The following IFNAR2 variants were observed in gnomAD, a reference collection of about 807,000 sequenced individuals.
IFNAR2 encodes the protein interferon alpha and beta receptor subunit 2.
A neutral mutation model predicts 49.4 loss-of-function variants in IFNAR2; 30 were observed. The ratio of observed to expected loss-of-function variants is 0.61; its 90% CI spans 0.45 to 0.82. IFNAR2 has a LOEUF of 0.82. Ranked by LOEUF, IFNAR2 falls within the 40% of genes least tolerant of loss-of-function variation. The pLI, the probability that IFNAR2 is intolerant of heterozygous loss-of-function variation, is 0.00. For missense variants in IFNAR2, 600 were observed against 622.7 expected, an observed-to-expected ratio of 0.96 and a Z score of 0.39; for synonymous variants, 224 against 234.5, an observed-to-expected ratio of 0.96 and a Z score of 0.41.
Position 33,260,447 on chromosome 21 carries a change from C to T in IFNAR2, c.710-150C>T, listed in dbSNP as rs114350362. ...AAAAAATGCACACTTAGATAATTCT[C>T]CAGTCTCTGGTATTTCTCAATATAA... On this transcript the variant is annotated intron_variant, in intron 7 of 8. Transcript: ENST00000342136. 1,186 of 619,656 alleles carry T rather than the reference C, an allele frequency of 1.9e-3. 10 individuals are homozygous for T. The African/African-American group carries it at 0.021, about 11-fold the overall frequency. The allele number at this position is 619,656 out of a possible 1,614,324, so 38.4% of individuals were successfully genotyped here. A position where few individuals can be genotyped will look rare whatever the true frequency, so the allele number is the denominator to read the frequency against.
intron 7 of IFNAR2, among the ~76,000 whole-genome samples, chr21:33,255,106 C>A (rs935355747): frequency 6.6e-6 from 1 of 152,202 alleles, no homozygotes; most frequent in African/African-American, 2.4e-5. Context: ...TGTCAAACAC[C>A]TTTAGCGTAA....
intron 1 of IFNAR2, among the ~76,000 whole-genome samples, chr21:33,236,507 A>G (rs1345069589): frequency 5.3e-5 from 8 of 152,222 alleles, no homozygotes; most frequent in East Asian, 3.9e-4. Context: ...CCCAACCTCC[A>G]GCCAGTCACC....
intron 7 of IFNAR2, among the ~76,000 whole-genome samples, chr21:33,258,859 C>T (rs957495281): frequency 2.6e-5 from 4 of 152,072 alleles, no homozygotes; most frequent in African/African-American, 7.2e-5. Flanking sequence ...GGTTGCTCTC[C>T]GTGATCTGAC....
At chr21:33,253,615 G>A (rs1438626236) in intron 7 of IFNAR2, among the ~76,000 whole-genome samples, 1 of 152,192 alleles carries the variant, frequency 6.6e-6, no homozygotes, top group African/African-American at 2.4e-5. Context: ...GTGAAAGCAA[G>A]TTTATTAGGA....
At chr21:33,249,763 G>A (rs1016422974) in intron 6 of IFNAR2, among the ~76,000 whole-genome samples, 5 of 152,184 alleles carry the variant, frequency 3.3e-5, no homozygotes, top group Non-Finnish European at 7.3e-5. Context: ...ACCCTTGCAA[G>A]TGAGACCAGC....
chr21:33,263,193 C>G lies in IFNAR2; in HGVS notation c.1241C>G (p.Thr414Arg), dbSNP rs369534116. The G allele has an allele frequency of 4.3e-6, 7 of 1,614,176 alleles. No individual in the cohort carries two copies. Among genetic ancestry groups the G allele is most frequent in the Non-Finnish European group, 5.1e-6 (6 of 1,180,022 alleles). Residue 414 changes from threonine to arginine, a missense_variant, in exon 9 of 9, where the codon ACG becomes AGG. Thr to Arg is a moderately conservative substitution (Grantham distance 71, BLOSUM62 -1). Coordinates refer to ENST00000342136, the MANE Select transcript of IFNAR2 (RefSeq NM_001289125.3). ...DPFPEEDYSSTEGSGGRITFN... is the reference protein window; with the variant it reads ...DPFPEEDYSSREGSGGRITFN... ...TTTCCCGAAGAGGACTACAGCTCCA[C>G]GGAGGGGTCTGGGGGCAGAATTACC... is the stretch of plus-strand genomic sequence containing the variant.
At chr21:33,260,748 GT>G (rs755289487) in intron 8 of IFNAR2, 21 bp downstream of exon 8, 44 of 1,448,056 alleles carry the variant, frequency 3.0e-5, no homozygotes, top group Non-Finnish European at 3.8e-5. Context: ...TTTTTGTTTT[GT>G]TTTGTTTTTT....
intron 1 of IFNAR2, among the ~76,000 whole-genome samples, chr21:33,233,347 GA>G (rs17860130): frequency 0.042 from 6,346 of 152,194 alleles, 209 homozygotes; most frequent in African/African-American, 0.092. Flanking sequence ...CAGATGTAGA[GA>G]AGTCAACAAA....
chr21:33,236,088 G>C (rs542538570), intron 1 of IFNAR2, among the ~76,000 whole-genome samples: 1 of 152,210 alleles, frequency 6.6e-6, no homozygotes, highest in South Asian at 2.1e-4. Context: ...ATCTTGGGAG[G>C]TTCCCTTGAA....
chr21:33,245,871 A>T (rs553894394), intron 4 of IFNAR2, among the ~76,000 whole-genome samples: 1 of 152,260 alleles, frequency 6.6e-6, no homozygotes, highest in Admixed American at 6.5e-5. Context: ...TGTATCATCC[A>T]ACTAACTGAA....
At chr21:33,250,356 C>T (rs187716647) in intron 6 of IFNAR2, among the ~76,000 whole-genome samples, 203 of 152,106 alleles carry the variant, frequency 1.3e-3, no homozygotes, top group African/African-American at 4.8e-3. Context: ...ATATTGACTA[C>T]TCTATAAGAG....
Position 33,231,645 on chromosome 21 carries a change from T to G in IFNAR2, c.-84+1429T>G, listed in dbSNP as rs17860124. ...CACTCAAAGCCACATTGGACTCATT[T>G]TTTCTGCTACCTTTATAAACCTTCA... On this transcript the variant is annotated intron_variant, in intron 1 of 8. Coordinates refer to ENST00000342136, the MANE Select transcript of IFNAR2 (RefSeq NM_001289125.3). 1,874 of 978,236 alleles carry G rather than the reference T, an allele frequency of 1.9e-3. 32 individuals are homozygous for G. The African/African-American group carries it at 0.031, about 16-fold the overall frequency. 60.6% of individuals were successfully genotyped at this position (978,236 alleles called of 1,614,324 possible). A position where few individuals can be genotyped will look rare whatever the true frequency, so the allele number is the denominator to read the frequency against.
chr21:33,263,172 C>T lies in IFNAR2; in HGVS notation c.1220C>T (p.Pro407Leu). Reference protein sequence around the residue: ...RRKSPLQDPFPEEDYSSTEGS... With the variant: ...RRKSPLQDPFLEEDYSSTEGS... Reference sequence around the variant, plus strand: ...AAGAGTCCACTCCAGGACCCTTTTCCCGAAGAGGACTACAGCTCCACGGAG... The same window carrying T: ...AAGAGTCCACTCCAGGACCCTTTTCTCGAAGAGGACTACAGCTCCACGGAG... The change falls in exon 9 of 9, where the codon CCC (proline) becomes CTC (leucine). Residue 407 changes from proline (P) to leucine (L), a missense_variant. By Grantham distance (98) the Pro-to-Leu change is moderately conservative. Coordinates refer to ENST00000342136, the MANE Select transcript of IFNAR2 (RefSeq NM_001289125.3). 6.2e-7 allele frequency: 1 copy of T among 1,614,170 alleles called. No individual in the cohort carries two copies. The highest frequency in any genetic ancestry group is 1.1e-5 in the South Asian group (1 of 91,084).
chr21:33,231,223 G>T (rs1204449863), intron 1 of IFNAR2, among the ~76,000 whole-genome samples: 1 of 152,134 alleles, frequency 6.6e-6, no homozygotes, highest in African/African-American at 2.4e-5. Context: ...CAGGCTTGAG[G>T]GGGTGAGGGG....
intron 1 of IFNAR2, among the ~76,000 whole-genome samples, chr21:33,235,789 G>A (rs945980547): frequency 6.6e-6 from 1 of 152,058 alleles, no homozygotes; most frequent in African/African-American, 2.4e-5. Flanking sequence ...AGCTGGGTGT[G>A]GTGGCGGGCG....
chr21:33,230,684 C>T lies in IFNAR2; in HGVS notation c.-84+468C>T. On this transcript the variant is annotated intron_variant, in intron 1 of 8. Coordinates refer to ENST00000342136, the MANE Select transcript of IFNAR2 (RefSeq NM_001289125.3). The surrounding 1 kb of genome is among the most constrained non-coding windows in gnomAD (Gnocchi z 5.5). The stretch of plus-strand genomic sequence containing the variant: ...CCCCCTTGAGGTCCCCTGGGATTAG[C>T]CCCCCTCGACCTGCGTCAGGGTCAC... 2 of 438,800 alleles carry T rather than the reference C, an allele frequency of 4.6e-6. No homozygotes were observed. Among genetic ancestry groups the T allele is most frequent in the Non-Finnish European group, 9.5e-6 (2 of 211,624 alleles). The allele number at this position is 438,800 out of a possible 1,614,324, so 27.2% of individuals were successfully genotyped here. A position where few individuals can be genotyped will look rare whatever the true frequency, so the allele number is the denominator to read the frequency against.
At position 33,263,651 on chromosome 21, in the gene IFNAR2, T is replaced by C; in HGVS notation, c.*151T>C. Reference sequence around the variant, plus strand: ...CCTTTCTTCCAGGTGACATCACCTATGCACATTCCCAGTATGGGGACCATA... The same window carrying C: ...CCTTTCTTCCAGGTGACATCACCTACGCACATTCCCAGTATGGGGACCATA... On this transcript the variant is annotated 3_prime_UTR_variant, in exon 9 of 9. Transcript: ENST00000342136. 1 of 666,106 alleles carries C rather than the reference T, an allele frequency of 1.5e-6. No individual in the cohort carries two copies. The highest frequency in any genetic ancestry group is 2.5e-6 in the Non-Finnish European group (1 of 397,168). 41.3% of individuals were successfully genotyped at this position (666,106 alleles called of 1,614,324 possible). A position where few individuals can be genotyped will look rare whatever the true frequency, so the allele number is the denominator to read the frequency against.
At chr21:33,258,914 G>A (rs1988390014) in intron 7 of IFNAR2, among the ~76,000 whole-genome samples, 1 of 152,156 alleles carries the variant, frequency 6.6e-6, no homozygotes, top group South Asian at 2.1e-4. Context: ...TGAAGTGGGA[G>A]CCAGGTGACC....
chr21:33,241,394 A>G (rs1238530307), intron 1 of IFNAR2, among the ~76,000 whole-genome samples: 1 of 152,172 alleles, frequency 6.6e-6, no homozygotes, highest in Non-Finnish European at 1.5e-5. Context: ...TATATAAATA[A>G]TGGTGTGTCT....
Sources: gnomAD v4.1 joint callset for allele counts (sites outside exome capture counted in the v4.1 genomes callset) on GRCh38, gnomAD v4.1.1 for gene constraint, Gnocchi (gnomAD v3.1) non-coding constraint, MANE v1.5 for transcripts, NCBI Gene and HGNC (gene_info 2026-07-23, HGNC 2026-07-21) for gene names.